The following SNX27 variants were observed in gnomAD, a reference collection of about 807,000 sequenced individuals.
The protein encoded by SNX27 is sorting nexin 27.
Under a neutral mutation model 71.6 loss-of-function variants are expected in SNX27, and 22 were observed. The ratio of observed to expected loss-of-function variants is 0.31; its 90% CI spans 0.22 to 0.44. The LOEUF (loss-of-function observed/expected upper bound fraction) is 0.44, where lower values mean the gene tolerates loss of function less well. SNX27 is among the 20% of genes least tolerant of loss of function. The pLI is 1.00. For missense variants in SNX27, 531 were observed against 698.6 expected (o/e 0.76, Z 2.70); for synonymous variants, 269 against 277.2 (o/e 0.97, Z 0.29).
In SNX27 at chr1:151,661,894, T is replaced by C. The variant is rs187759152; in HGVS notation, c.802-272T>C. Among the ~76,000 whole-genome samples, 19 of 152,328 alleles carry C rather than the reference T, an allele frequency of 1.2e-4. No individual in the cohort carries two copies. In the East Asian group the frequency reaches 3.5e-3, roughly 28 times the overall value. Reference sequence around the variant, plus strand: ...AGCGAATCAAAAATCTCATCTGTGTTTGACCTAGACTGTTTCACGCAAGTT... The same window carrying C: ...AGCGAATCAAAAATCTCATCTGTGTCTGACCTAGACTGTTTCACGCAAGTT... On this transcript the variant is annotated intron_variant, in intron 4 of 11. Transcript: ENST00000458013.
intron 2 of SNX27, among the ~76,000 whole-genome samples, chr1:151,643,194 C>T (rs781334101): frequency 3.4e-5 from 5 of 149,006 alleles, no homozygotes; most frequent in Non-Finnish European, 5.9e-5. Flanking sequence ...GAACTCCTGA[C>T]CTCAAGTGAT....
chr1:151,692,290 G>A, intron 8 of SNX27, 145 bp from the exon 9 acceptor site: 1 of 1,046,138 alleles, frequency 9.6e-7, no homozygotes. Context: ...TGAGACCAGA[G>A]GCCAGGTCTT....
At chr1:151,614,315 T>C (rs968741562) in intron 1 of SNX27, 1 of 152,212 alleles carries the variant, frequency 6.6e-6, no homozygotes, top group Non-Finnish European at 1.5e-5. Flanking sequence ...CCTAGTATTG[T>C]CTGACAATAT....
chr1:151,620,593 AC>A (rs1667625303), intron 1 of SNX27, among the ~76,000 whole-genome samples: 1 of 151,832 alleles, frequency 6.6e-6, no homozygotes, highest in Non-Finnish European at 1.5e-5. Flanking sequence ...GACTATACTT[AC>A]TATTGTGTTT....
At chr1:151,682,021 A>G (rs922507718) in intron 7 of SNX27, among the ~76,000 whole-genome samples, 4 of 152,220 alleles carry the variant, frequency 2.6e-5, no homozygotes, top group Non-Finnish European at 5.9e-5. Context: ...CTGACTGCCT[A>G]TATCACTGTC....
At chr1:151,682,905 C>T (rs1300457274) in intron 7 of SNX27, among the ~76,000 whole-genome samples, 1 of 152,122 alleles carries the variant, frequency 6.6e-6, no homozygotes, top group South Asian at 2.1e-4. Flanking sequence ...CGTGATGGCT[C>T]ATGCCTGTAG....
At chr1:151,693,543 G>A in intron 11 of SNX27, 60 bp downstream of exon 11, 1 of 1,612,042 alleles carries the variant, frequency 6.2e-7, no homozygotes, top group Non-Finnish European at 8.5e-7. Flanking sequence ...AAAATTTATA[G>A]GCCTGTGGCC....
chr1:151,655,736 T>C (rs569663668), intron 2 of SNX27, among the ~76,000 whole-genome samples: 14 of 152,250 alleles, frequency 9.2e-5, no homozygotes, highest in Non-Finnish European at 1.9e-4. Context: ...TTGTATTTAA[T>C]GGGAGGTTAA....
In SNX27 at chr1:151,694,650, A is replaced by G; in HGVS notation, c.*233A>G. The G allele has an allele frequency of 2.2e-6, 1 of 450,562 alleles. No individual in the cohort carries two copies. The highest frequency in any genetic ancestry group is 3.9e-6 in the Non-Finnish European group (1 of 258,238). 27.9% of individuals were successfully genotyped at this position (450,562 alleles called of 1,614,324 possible). On this transcript the variant is annotated 3_prime_UTR_variant, in exon 12 of 12. Transcript: ENST00000458013. The stretch of plus-strand genomic sequence containing the variant: ...CAGAAGTCAACTGAGTTAAGGCAGG[A>G]AAAGAAATAAGCCCAACCAACTTGC...
At chr1:151,615,584 C>A in intron 1 of SNX27, 1 of 464,798 alleles carries the variant, frequency 2.2e-6, no homozygotes, top group Non-Finnish European at 2.8e-6. Context: ...TCTGTTGTCC[C>A]AGGAAAGCTT....
At chr1:151,678,576 T>C (rs757166429) in intron 7 of SNX27, 4 of 152,218 alleles carry the variant, frequency 2.6e-5, no homozygotes, top group Non-Finnish European at 5.9e-5. Context: ...TGTGCAGATA[T>C]CTTGTTGAGA....
intron 1 of SNX27, among the ~76,000 whole-genome samples, chr1:151,631,506 A>G (rs1668233343): frequency 6.6e-6 from 1 of 152,206 alleles, no homozygotes; most frequent in African/African-American, 2.4e-5. Context: ...TTTGCATTTA[A>G]CATAAGAACT....
chr1:151,662,293 C>A, intron 5 of SNX27, 23 bp downstream of exon 5: 1 of 1,475,992 alleles, frequency 6.8e-7, no homozygotes, highest in Non-Finnish European at 9.5e-7. Context: ...AACACGTAGA[C>A]TTGACATTGG....
chr1:151,676,116 G>C (rs1446469511), intron 7 of SNX27: 2 of 150,900 alleles, frequency 1.3e-5, no homozygotes, highest in East Asian at 1.9e-4. Context: ...ACTGTGCCCA[G>C]ATATATTTTT....
At position 151,696,873 on chromosome 1, in the gene SNX27, C is replaced by CA. The variant is rs1274489878; in HGVS notation, c.*2456_*2457insA. 6.6e-6 allele frequency: 1 copy of CA among 152,104 alleles called. No homozygotes were observed. Among genetic ancestry groups the CA allele is most frequent in the Non-Finnish European group, 1.5e-5 (1 of 68,048 alleles). The allele number at this position is 152,104 out of a possible 1,614,324, so 9.4% of individuals were successfully genotyped here. ...CCATGATGGCCAGGTTGGTTTTGAA[C>CA]TCCTGACCTCAAGTAATCTGCCCAC... On this transcript the variant is annotated 3_prime_UTR_variant, in exon 12 of 12. Transcript: ENST00000458013.
chr1:151,630,948 C>T (rs185553305), intron 1 of SNX27, among the ~76,000 whole-genome samples: 11 of 152,298 alleles, frequency 7.2e-5, no homozygotes, highest in African/African-American at 2.6e-4. Flanking sequence ...GGGAGAATGG[C>T]GTGAACCCGG....
At chr1:151,617,575 C>T (rs1222768734) in intron 1 of SNX27, among the ~76,000 whole-genome samples, 5 of 152,192 alleles carry the variant, frequency 3.3e-5, no homozygotes, top group South Asian at 4.1e-4. Context: ...TGAGCCACTG[C>T]GCCCAGTCAG....
At chr1:151,635,588 C>G (rs1030447300) in intron 1 of SNX27, among the ~76,000 whole-genome samples, 4 of 152,118 alleles carry the variant, frequency 2.6e-5, no homozygotes, top group Non-Finnish European at 5.9e-5. Flanking sequence ...GTGAAGACCT[C>G]TTAATTCTTC....
intron 2 of SNX27, among the ~76,000 whole-genome samples, chr1:151,641,619 A>ATATATG (rs1281037457): frequency 1.5e-5 from 2 of 133,084 alleles, no homozygotes; most frequent in African/African-American, 3.0e-5. Flanking sequence ...ATATATATAT[A>ATATATG]TATATATATA....
Sources: allele counts gnomAD v4.1 joint callset (sites outside exome capture counted in the v4.1 genomes callset), GRCh38; gene constraint gnomAD v4.1.1; transcripts MANE v1.5; gene names NCBI Gene and HGNC (gene_info 2026-07-23, HGNC 2026-07-21).